ZNF664: variants seen among roughly 807,000 people sequenced by gnomAD.
ZNF664 encodes the protein zinc finger Organ of Corti 1.
Under a neutral mutation model 18.2 loss-of-function variants are expected in ZNF664, and 10 were observed. The ratio of observed to expected loss-of-function variants is 0.55; its 90% confidence interval spans 0.34 to 0.93. ZNF664 has a LOEUF of 0.93. Ranked by LOEUF, ZNF664 falls within the 40% of genes least tolerant of loss-of-function variation. The pLI, the probability that ZNF664 is intolerant of heterozygous loss-of-function variation, is 0.02. For synonymous variants in ZNF664, 119 were observed against 104.2 expected (o/e 1.14, Z -0.86); for missense variants, 193 against 319.0 (o/e 0.61, Z 3.01).
At chr12:123,985,781 G>A (rs1474120363) in intron 2 of ZNF664, among the ~76,000 whole-genome samples, 1 of 152,180 alleles carries the variant, frequency 6.6e-6, no homozygotes, top group African/African-American at 2.4e-5. Context: ...GGACTGGTGC[G>A]AAGATCTGTG....
intron 3 of ZNF664, among the ~76,000 whole-genome samples, chr12:124,005,283 T>C (rs995808957): frequency 6.6e-6 from 1 of 152,242 alleles, no homozygotes; most frequent in Non-Finnish European, 1.5e-5. Flanking sequence ...CCTCTCTACT[T>C]TTTTGTTCAC....
intron 3 of ZNF664, among the ~76,000 whole-genome samples, chr12:124,009,129 A>G (rs1175429996): frequency 1.3e-5 from 2 of 152,216 alleles, no homozygotes. Context: ...CTTGGCTCCT[A>G]ACAACTTTAA....
At chr12:123,982,936 C>CT (rs1956783394) in intron 2 of ZNF664, among the ~76,000 whole-genome samples, 1 of 152,198 alleles carries the variant, frequency 6.6e-6, no homozygotes, top group African/African-American at 2.4e-5. Flanking sequence ...AGGCAGATGG[C>CT]TTGAGGCTGG....
chr12:124,010,584 T>G (rs150534352), intron 3 of ZNF664, among the ~76,000 whole-genome samples: 11 of 152,318 alleles, frequency 7.2e-5, no homozygotes, highest in Non-Finnish European at 1.3e-4. Context: ...GATATGTGTG[T>G]GGGTGCCAGA....
chr12:123,974,557 G>A (rs181433266), intron 2 of ZNF664: 3 of 152,342 alleles, frequency 2.0e-5, no homozygotes, highest in East Asian at 3.9e-4. Context: ...TTCTAAATTA[G>A]CAGAGTAGTA....
rs1193191859 is a variant in ZNF664 at position 123,996,318 on chromosome 12, A to G, written c.-661+8180A>G. Among the ~76,000 whole-genome samples the G allele has an allele frequency of 5.9e-5, 9 of 152,298 alleles. No individual in the cohort carries two copies. In the South Asian group the frequency reaches 1.9e-3, roughly 32 times the overall value. ...ACTTGAATTACAAAGTTTCTGCTGC[A>G]GTATCATTTGTTGGCAGAAACTGCT... On this transcript the variant is annotated intron_variant, in intron 3 of 4. Coordinates refer to ENST00000337815, the MANE Select transcript of ZNF664 (RefSeq NM_152437.3).
intron 3 of ZNF664, 149 bp from the exon 4 acceptor site, chr12:124,011,232 A>G: frequency 1.1e-6 from 1 of 934,882 alleles, no homozygotes; most frequent in Non-Finnish European, 1.3e-6. Context: ...TGGTTTTCAT[A>G]CTCACATGTA....
chr12:123,980,269 A>G (rs1027224743), intron 2 of ZNF664, among the ~76,000 whole-genome samples: 4 of 152,150 alleles, frequency 2.6e-5, no homozygotes, highest in African/African-American at 9.7e-5. Flanking sequence ...TTTTTTTACA[A>G]TGGGCATTTA....
intron 3 of ZNF664, among the ~76,000 whole-genome samples, chr12:124,008,534 G>T (rs1051781430): frequency 6.6e-6 from 1 of 152,176 alleles, no homozygotes; most frequent in African/African-American, 2.4e-5. Flanking sequence ...ATATTAGCTG[G>T]TTGTTTCTTT....
chr12:124,007,862 C>G (rs1957091320), intron 3 of ZNF664, among the ~76,000 whole-genome samples: 1 of 152,116 alleles, frequency 6.6e-6, no homozygotes, highest in Non-Finnish European at 1.5e-5. Context: ...TTTGCTGAAG[C>G]ATTTTAAGTC....
intron 3 of ZNF664, among the ~76,000 whole-genome samples, chr12:123,991,200 A>G (rs1956885159): frequency 6.6e-6 from 1 of 152,242 alleles, no homozygotes; most frequent in African/African-American, 2.4e-5. Context: ...CGTAGGGGCT[A>G]TCACTGAAGC....
chr12:123,986,299 G>A (rs1956824310), intron 2 of ZNF664, among the ~76,000 whole-genome samples: 1 of 152,160 alleles, frequency 6.6e-6, no homozygotes, highest in African/African-American at 2.4e-5. Context: ...GATGCATGTG[G>A]ATCAGACCCA....
Position 124,013,160 on chromosome 12 carries a change from C to G in ZNF664, c.*230C>G. Reference sequence around the variant, plus strand: ...CGCAGGATGGCTCTCAGGTCCCAGTCACAGACGTCGCTTCCTGGGATTCCA... The same window carrying G: ...CGCAGGATGGCTCTCAGGTCCCAGTGACAGACGTCGCTTCCTGGGATTCCA... On this transcript the variant is annotated 3_prime_UTR_variant, in exon 5 of 5. Transcript: ENST00000337815. 1.7e-6 allele frequency: 1 copy of G among 599,680 alleles called. No individual in the cohort carries two copies. Among genetic ancestry groups the G allele is most frequent in the South Asian group, 2.3e-5 (1 of 44,062 alleles). The allele number at this position is 599,680 out of a possible 1,614,324, so 37.1% of individuals were successfully genotyped here.
At chr12:123,990,107 ATG>A (rs1956872466) in intron 3 of ZNF664, among the ~76,000 whole-genome samples, 1 of 152,192 alleles carries the variant, frequency 6.6e-6, no homozygotes, top group Non-Finnish European at 1.5e-5. Flanking sequence ...AGAAAGTAGA[ATG>A]GTGGTTACTG....
chr12:124,001,606 C>T (rs959664944), intron 3 of ZNF664, among the ~76,000 whole-genome samples: 1 of 152,190 alleles, frequency 6.6e-6, no homozygotes, highest in African/African-American at 2.4e-5. Flanking sequence ...TCAAAGTGGT[C>T]TCCCCTGACC....
At chr12:124,005,483 ATGTG>A (rs202223166) in intron 3 of ZNF664, among the ~76,000 whole-genome samples, 4,715 of 142,902 alleles carry the variant, frequency 0.033, 195 homozygotes, top group African/African-American at 0.1. Flanking sequence ...AATTTATAGA[ATGTG>A]TGTGTGTGTG....
chr12:123,992,479 C>CA (rs1302907920), intron 3 of ZNF664, among the ~76,000 whole-genome samples: 4 of 152,188 alleles, frequency 2.6e-5, no homozygotes, highest in Admixed American at 2.6e-4. Flanking sequence ...GAATCCTGCT[C>CA]AGAGTCAGAA....
intron 3 of ZNF664, among the ~76,000 whole-genome samples, chr12:123,996,819 G>A (rs1439725948): frequency 6.6e-6 from 1 of 152,216 alleles, no homozygotes; most frequent in Non-Finnish European, 1.5e-5. Context: ...CCACTTGTGT[G>A]TGATGGACGG....
At chr12:123,986,848 C>T (rs769242174) in intron 2 of ZNF664, among the ~76,000 whole-genome samples, 13 of 152,318 alleles carry the variant, frequency 8.5e-5, no homozygotes, top group Non-Finnish European at 1.5e-4. Context: ...AATATCAAGA[C>T]CACTTGAAAT....
Sources: allele counts gnomAD v4.1 joint callset (sites outside exome capture counted in the v4.1 genomes callset), GRCh38; gene constraint gnomAD v4.1.1; transcripts MANE v1.5; gene names NCBI Gene and HGNC (gene_info 2026-07-23, HGNC 2026-07-21).